The following NDST3 variants were observed in gnomAD, a reference collection of about 807,000 sequenced individuals.
The protein encoded by NDST3 is bifunctional heparan sulfate N-deacetylase/N-sulfotransferase 3.
A neutral mutation model predicts 96.1 loss-of-function variants in NDST3; 58 were observed. That is an observed-to-expected ratio of 0.60 (90% CI 0.49 to 0.75). The LOEUF (loss-of-function observed/expected upper bound fraction) is 0.75. Ranked by LOEUF, NDST3 falls within the 30% of genes least tolerant of loss-of-function variation. The pLI is 0.00. For synonymous variants in NDST3, 333 were observed against 359.7 expected (o/e 0.93, Z 0.84); for missense variants, 788 against 1,034.2 (o/e 0.76, Z 3.27).
At chr4:118,216,083 G>C (rs1049164296) in intron 6 of NDST3, among the ~76,000 whole-genome samples, 3 of 152,162 alleles carry the variant, frequency 2.0e-5, no homozygotes, top group Non-Finnish European at 2.9e-5. Flanking sequence ...GTGCTGAAGA[G>C]TCCATATGTG....
intron 4 of NDST3, among the ~76,000 whole-genome samples, chr4:118,136,461 G>GA (rs1733099836): frequency 6.6e-6 from 1 of 151,932 alleles, no homozygotes; most frequent in South Asian, 2.1e-4. Context: ...TGTCTAGTGG[G>GA]AAAAAATTAG....
chr4:118,186,611 CAGA>C (rs1254281995), intron 6 of NDST3, among the ~76,000 whole-genome samples: 1 of 152,212 alleles, frequency 6.6e-6, no homozygotes, highest in African/African-American at 2.4e-5. Flanking sequence ...TGTGCCCACT[CAGA>C]TTAAAGTGGG....
chr4:118,203,935 A>T (rs901447424), intron 6 of NDST3, among the ~76,000 whole-genome samples: 14 of 152,256 alleles, frequency 9.2e-5, no homozygotes, highest in Middle Eastern at 3.4e-3. Context: ...CCAAAACCAA[A>T]GTTTGCATCC....
chr4:118,193,701 C>G (rs1461713642), intron 6 of NDST3: 1 of 1,316,024 alleles, frequency 7.6e-7, no homozygotes, highest in Non-Finnish European at 1.1e-6. Context: ...AGGTGGGCCT[C>G]TCCCCAATGG....
intron 3 of NDST3, among the ~76,000 whole-genome samples, chr4:118,106,089 C>G (rs995640200): frequency 3.3e-5 from 5 of 152,060 alleles, no homozygotes; most frequent in Admixed American, 6.5e-5. Flanking sequence ...TGTTGGCTGG[C>G]TATTTGGATA....
intron 6 of NDST3, among the ~76,000 whole-genome samples, chr4:118,219,906 A>G (rs1284591479): frequency 6.6e-6 from 1 of 152,094 alleles, no homozygotes; most frequent in Non-Finnish European, 1.5e-5. Flanking sequence ...CGAACATACA[A>G]AAAAAAGCTC....
chr4:118,180,410 T>A (rs10005659), intron 6 of NDST3, among the ~76,000 whole-genome samples: 1,818 of 152,266 alleles, frequency 0.012, 34 homozygotes, highest in African/African-American at 0.041. Context: ...TCCAGCTGCA[T>A]CTATGTTGCT....
intron 1 of NDST3, among the ~76,000 whole-genome samples, chr4:118,045,009 G>A (rs924220808): frequency 6.6e-6 from 1 of 152,052 alleles, no homozygotes; most frequent in African/African-American, 2.4e-5. Flanking sequence ...AACTTTGGCG[G>A]ACACATACAA....
chr4:118,050,007 C>T (rs1175342314), intron 1 of NDST3, among the ~76,000 whole-genome samples: 15 of 152,072 alleles, frequency 9.9e-5, no homozygotes, highest in Admixed American at 9.8e-4. Flanking sequence ...AAAACAAATC[C>T]AGCAGCACAT....
chr4:118,067,943 AAG>A (rs1381192958), intron 2 of NDST3, among the ~76,000 whole-genome samples: 1 of 151,998 alleles, frequency 6.6e-6, no homozygotes, highest in Non-Finnish European at 1.5e-5. Context: ...AAAAAGAAAA[AAG>A]AAAAAAAAGA....
In NDST3 at chr4:118,054,011, A is replaced by T; in HGVS notation, c.101A>T (p.Tyr34Phe). 6.2e-7 allele frequency: 1 copy of T among 1,612,900 alleles called. No individual in the cohort carries two copies. Among genetic ancestry groups the T allele is most frequent in the Non-Finnish European group, 8.5e-7 (1 of 1,179,194 alleles). ...VSIIISAYYL[Y>F]SGYKQENELS... ...ATTATCATTTCTGCTTACTACCTGT[A>T]CAGTGGCTACAAACAGGAAAATGAA... The change falls in exon 2 of 14, where the codon TAC becomes TTC. Residue 34 changes from tyrosine (Y) to phenylalanine (F), a missense_variant. This residue lies in a region of NDST3 where 234 missense variants were observed against 256.9 expected (regional missense o/e 0.91). Transcript: ENST00000296499.
In NDST3 at chr4:118,243,089, G is replaced by GT. The variant is rs139320596; in HGVS notation, c.2399+949dup. ...TGGACCTGACTCACACCGTAAGTTGGTTTTTTTTTAATTACATGGACTGAG... is the reference window on the plus strand; with the variant it reads ...TGGACCTGACTCACACCGTAAGTTGGTTTTTTTTTTAATTACATGGACTGAG... On this transcript the variant is annotated intron_variant, in intron 12 of 13. Transcript: ENST00000296499. Among the ~76,000 whole-genome samples, 418 of 150,922 alleles carry GT rather than the reference G, an allele frequency of 2.8e-3. 3 individuals are homozygous for GT. The highest frequency in any genetic ancestry group is 9.7e-3 in the African/African-American group (400 of 41,152).
chr4:118,093,174 A>G (rs940110165), intron 2 of NDST3, among the ~76,000 whole-genome samples: 1 of 151,860 alleles, frequency 6.6e-6, no homozygotes, highest in East Asian at 1.9e-4. Flanking sequence ...ATGGCATTTG[A>G]CTTCTAAGAT....
intron 2 of NDST3, among the ~76,000 whole-genome samples, chr4:118,086,207 C>A (rs1328162157): frequency 6.6e-6 from 1 of 152,160 alleles, no homozygotes; most frequent in Non-Finnish European, 1.5e-5. Flanking sequence ...TAGCATCTTG[C>A]AATCAAGTCT....
At chr4:118,040,318 G>C (rs1724369867) in intron 1 of NDST3, among the ~76,000 whole-genome samples, 1 of 152,146 alleles carries the variant, frequency 6.6e-6, no homozygotes. Context: ...TGAACATTCA[G>C]AATTTACTAG....
chr4:118,090,255 A>G (rs1180212785), intron 2 of NDST3, among the ~76,000 whole-genome samples: 1 of 151,958 alleles, frequency 6.6e-6, no homozygotes, highest in African/African-American at 2.4e-5. Flanking sequence ...TTTTTTCACA[A>G]AGAGGTGAAT....
chr4:118,071,641 C>T (rs1031081230), intron 2 of NDST3, among the ~76,000 whole-genome samples: 14 of 152,098 alleles, frequency 9.2e-5, no homozygotes, highest in African/African-American at 2.9e-4. Flanking sequence ...CATATATTTA[C>T]ATTTTCTTCA....
chr4:118,251,959 A>T (rs1741774043), intron 12 of NDST3, among the ~76,000 whole-genome samples: 2 of 152,080 alleles, frequency 1.3e-5, no homozygotes, highest in African/African-American at 2.4e-5. Flanking sequence ...AAAACTTAAC[A>T]AAGTTTTGTA....
At chr4:118,211,387 T>C (rs1738788578) in intron 6 of NDST3, among the ~76,000 whole-genome samples, 1 of 152,192 alleles carries the variant, frequency 6.6e-6, no homozygotes, top group Non-Finnish European at 1.5e-5. Context: ...GATTATTTCA[T>C]TCATTTTATA....
Sources: allele counts gnomAD v4.1 joint callset (sites outside exome capture counted in the v4.1 genomes callset), GRCh38; gene constraint gnomAD v4.1.1; regional missense constraint gnomAD v4.1.1; transcripts MANE v1.5; gene names NCBI Gene and HGNC (gene_info 2026-07-23, HGNC 2026-07-21).